The following GOLPH3L variants were observed in gnomAD, a reference collection of about 807,000 sequenced individuals.
The protein encoded by GOLPH3L is Golgi phosphoprotein 3-like.
GOLPH3L carries 22 observed loss-of-function variants against 30.3 expected under a neutral mutation model. The ratio of observed to expected loss-of-function variants is 0.73; its 90% CI spans 0.52 to 1.04. The LOEUF is 1.04. Among genes scored for constraint, GOLPH3L ranks in the 50% least tolerant of loss-of-function variants. GOLPH3L has a pLI of 0.00. For synonymous variants in GOLPH3L, 120 were observed against 128.2 expected (o/e 0.94, Z 0.43); for missense variants, 303 against 345.8 (o/e 0.88, Z 0.98).
chr1:150,672,076 C>G (rs1434694100), intron 2 of GOLPH3L, among the ~76,000 whole-genome samples: 1 of 151,628 alleles, frequency 6.6e-6, no homozygotes, highest in Non-Finnish European at 1.5e-5. Flanking sequence ...AAAAAAGAAC[C>G]CCTCCATCTC....
At chr1:150,677,628 CT>C (rs766263859) in intron 2 of GOLPH3L, among the ~76,000 whole-genome samples, 792 of 135,190 alleles carry the variant, frequency 5.9e-3, no homozygotes, top group Non-Finnish European at 5.8e-3. Flanking sequence ...TCAAACATTT[CT>C]TTTTTTTTTT....
At chr1:150,675,225 G>A (rs908273663) in intron 2 of GOLPH3L, among the ~76,000 whole-genome samples, 7 of 151,610 alleles carry the variant, frequency 4.6e-5, no homozygotes, top group East Asian at 3.9e-4. Flanking sequence ...ATTATGTTAC[G>A]TTCAAACCTT....
At chr1:150,650,928 A>G (rs1650090534) in intron 4 of GOLPH3L, among the ~76,000 whole-genome samples, 1 of 152,250 alleles carries the variant, frequency 6.6e-6, no homozygotes, top group Admixed American at 6.5e-5. Flanking sequence ...GACTTTACAA[A>G]GACTATAAAG....
intron 2 of GOLPH3L, among the ~76,000 whole-genome samples, chr1:150,683,713 AAAAAAAAAAAAAAAAAAAAAG>A: frequency 7.2e-6 from 1 of 139,166 alleles, no homozygotes; most frequent in African/African-American, 2.8e-5. Context: ...AAAAAAAAAA[AAAAAAAAAAAAAAAAAAAAAG>A]AGAGATACTC....
At chr1:150,686,682 G>C (rs1463614055) in intron 2 of GOLPH3L, among the ~76,000 whole-genome samples, 1 of 152,190 alleles carries the variant, frequency 6.6e-6, no homozygotes, top group Non-Finnish European at 1.5e-5. Context: ...ATGGCTGACA[G>C]CAAGTTTATA....
intron 2 of GOLPH3L, among the ~76,000 whole-genome samples, chr1:150,677,628 C>T (rs1188805487): frequency 7.4e-6 from 1 of 135,574 alleles, no homozygotes; most frequent in African/African-American, 2.7e-5. Flanking sequence ...TCAAACATTT[C>T]TTTTTTTTTT....
chr1:150,668,745 GTT>G (rs904956170), intron 2 of GOLPH3L, among the ~76,000 whole-genome samples: 1 of 150,752 alleles, frequency 6.6e-6, no homozygotes, highest in African/African-American at 2.4e-5. Flanking sequence ...GTTAACACTT[GTT>G]TTTTTTTATA....
chr1:150,671,244 G>GAA (rs879500777), intron 2 of GOLPH3L, among the ~76,000 whole-genome samples: 6 of 114,950 alleles, frequency 5.2e-5, no homozygotes, highest in Non-Finnish European at 7.5e-5. Flanking sequence ...TCCATCTCAA[G>GAA]AAAAAAAAAA....
At chr1:150,691,169 C>T (rs1651202239) in intron 2 of GOLPH3L, among the ~76,000 whole-genome samples, 2 of 151,226 alleles carry the variant, frequency 1.3e-5, no homozygotes, top group South Asian at 4.2e-4. Context: ...CAGAGCAAGA[C>T]TCCGTATCAA....
At chr1:150,673,031 A>G (rs1338543839) in intron 2 of GOLPH3L, among the ~76,000 whole-genome samples, 1 of 152,158 alleles carries the variant, frequency 6.6e-6, no homozygotes, top group African/African-American at 2.4e-5. Flanking sequence ...TAGCAAATAA[A>G]AACAACATGC....
At position 150,656,506 on chromosome 1, in the gene GOLPH3L, A is replaced by C. The variant is rs147771460; in HGVS notation, c.430+5308T>G. 1.9e-3 allele frequency among the ~76,000 whole-genome samples: 292 copies of C among 152,300 alleles called. 2 individuals are homozygous for C. Among genetic ancestry groups the C allele is most frequent in the African/African-American group, 6.6e-3 (273 of 41,572 alleles). ...GCAGCAAATCGAAAAGCAAGTCCAT[A>C]AAGCTAAAACAAATAGAATAGATCC... On this transcript the variant is annotated intron_variant, in intron 4 of 4. Transcript: ENST00000271732.
chr1:150,669,484 TG>T (rs1650590807), intron 2 of GOLPH3L, among the ~76,000 whole-genome samples: 1 of 152,244 alleles, frequency 6.6e-6, no homozygotes, highest in Non-Finnish European at 1.5e-5. Context: ...TTGGTATGTC[TG>T]AGCAGGAAGA....
chr1:150,689,059 T>C (rs1173938030), intron 2 of GOLPH3L, among the ~76,000 whole-genome samples: 3 of 152,106 alleles, frequency 2.0e-5, no homozygotes, highest in African/African-American at 7.2e-5. Context: ...AATAAAATTT[T>C]TGGTGATTAA....
At chr1:150,649,430 G>A (rs889764230) in intron 4 of GOLPH3L, among the ~76,000 whole-genome samples, 3 of 152,194 alleles carry the variant, frequency 2.0e-5, no homozygotes, top group Non-Finnish European at 2.9e-5. Flanking sequence ...ACAGTGTGGA[G>A]AATTCTATGC....
At chr1:150,666,948 C>T (rs1021514494) in intron 2 of GOLPH3L, among the ~76,000 whole-genome samples, 10 of 152,062 alleles carry the variant, frequency 6.6e-5, no homozygotes, top group Admixed American at 5.9e-4. Context: ...TCACGTTTAA[C>T]GTTTTGTGAA....
At chr1:150,662,406 G>A (rs1468174393) in intron 3 of GOLPH3L, among the ~76,000 whole-genome samples, 2 of 151,964 alleles carry the variant, frequency 1.3e-5, no homozygotes, top group East Asian at 1.9e-4. Context: ...AGGAAAGTCA[G>A]AAAAGGAAGT....
intron 4 of GOLPH3L, among the ~76,000 whole-genome samples, chr1:150,656,596 G>A (rs587644099): frequency 6.6e-6 from 1 of 152,326 alleles, no homozygotes; most frequent in Non-Finnish European, 1.5e-5. Context: ...TATTGTCCAA[G>A]AGCAGGACTT....
intron 2 of GOLPH3L, among the ~76,000 whole-genome samples, chr1:150,666,306 C>G (rs1480828155): frequency 1.3e-5 from 2 of 151,570 alleles, no homozygotes; most frequent in Non-Finnish European, 2.9e-5. Context: ...TTTATATTTT[C>G]CATTTGCTTG....
chr1:150,679,510 T>A lies in GOLPH3L; in HGVS notation c.183+15146A>T, dbSNP rs587692155. 2.0e-4 allele frequency among the ~76,000 whole-genome samples: 31 copies of A among 152,120 alleles called. No homozygotes were observed. The Middle Eastern group carries it at 0.014, about 67-fold the overall frequency. On this transcript the variant is annotated intron_variant, in intron 2 of 4. Coordinates refer to ENST00000271732, the MANE Select transcript of GOLPH3L (RefSeq NM_018178.6). Reference sequence around the variant, plus strand: ...AAAATTTAAAGCTGGTTAGAAATAATAAAAAGGGCTGGGCGCAATGGCTCG... The same window carrying A: ...AAAATTTAAAGCTGGTTAGAAATAAAAAAAAGGGCTGGGCGCAATGGCTCG...
Sources: allele counts gnomAD v4.1 joint callset (sites outside exome capture counted in the v4.1 genomes callset), GRCh38; gene constraint gnomAD v4.1.1; transcripts MANE v1.5; gene names NCBI Gene and HGNC (gene_info 2026-07-23, HGNC 2026-07-21).